Variants in CNIH4 observed in about 807,000 individuals in gnomAD.
CNIH4 encodes the protein protein cornichon homolog 4.
A neutral mutation model predicts 21.5 loss-of-function variants in CNIH4; 9 were observed. That is an observed-to-expected ratio of 0.42 (90% CI 0.25 to 0.73). The LOEUF is 0.73. Among genes scored for constraint, CNIH4 ranks in the 30% least tolerant of loss-of-function variants. The pLI, the probability that CNIH4 is intolerant of heterozygous loss-of-function variation, is 0.27. For missense variants in CNIH4, 159 were observed against 170.0 expected (o/e 0.94, Z 0.36); for synonymous variants, 67 against 59.1 (o/e 1.13, Z -0.61).
rs1672790940 is a variant in CNIH4, at chr1:224,376,713, CGTT to C, written c.*894_*896del. 1 of 985,284 alleles carries C rather than the reference CGTT, an allele frequency of 1.0e-6. No individual in the cohort carries two copies. Among genetic ancestry groups the C allele is most frequent in the Non-Finnish European group, 1.2e-6 (1 of 829,942 alleles). 61.0% of individuals were successfully genotyped at this position (985,284 alleles called of 1,614,324 possible). A position where few individuals can be genotyped will look rare whatever the true frequency, so the allele number is the denominator to read the frequency against. ...CACTTCTATCCCTCTGCACTGACCA[CGTT>C]GTGAACTGGGAGACCAAATGCAAGC... On this transcript the variant is annotated 3_prime_UTR_variant, in exon 5 of 5. Coordinates refer to ENST00000465271, the MANE Select transcript of CNIH4 (RefSeq NM_014184.4).
intron 4 of CNIH4, among the ~76,000 whole-genome samples, chr1:224,373,304 G>A (rs1347699232): frequency 6.6e-6 from 1 of 152,130 alleles, no homozygotes; most frequent in East Asian, 1.9e-4. Context: ...AAACAAGCTG[G>A]AATTGGCTTA....
chr1:224,364,828 G>C (rs997079721), intron 2 of CNIH4, among the ~76,000 whole-genome samples: 14 of 151,974 alleles, frequency 9.2e-5, no homozygotes, highest in Admixed American at 9.2e-4. Context: ...AGCTACTCGG[G>C]AGGTTGAGGC....
At chr1:224,363,241 G>C (rs977264502) in intron 2 of CNIH4, among the ~76,000 whole-genome samples, 6 of 151,768 alleles carry the variant, frequency 4.0e-5, no homozygotes, top group African/African-American at 1.4e-4. Context: ...ATGAAGTCTC[G>C]CCACGTTGGC....
intron 4 of CNIH4, 127 bp downstream of exon 4, chr1:224,371,550 T>G: frequency 1.1e-6 from 1 of 906,016 alleles, no homozygotes; most frequent in Non-Finnish European, 1.7e-6. Flanking sequence ...TCCTTGTGGC[T>G]GTGTAGATTA....
At chr1:224,357,194 T>C in intron 1 of CNIH4, 1 of 574,516 alleles carries the variant, frequency 1.7e-6, no homozygotes, top group Non-Finnish European at 3.0e-6. Flanking sequence ...CGGGCCCTGC[T>C]GCCCTGCACG....
Position 224,379,307 on chromosome 1 carries a change from T to G in CNIH4, c.*3485T>G. 1 of 580,314 alleles carries G rather than the reference T, an allele frequency of 1.7e-6. No homozygotes were observed. The highest frequency in any genetic ancestry group is 3.1e-6 in the Non-Finnish European group (1 of 323,714). 35.9% of individuals were successfully genotyped at this position (580,314 alleles called of 1,614,324 possible). Reference sequence around the variant, plus strand: ...ACATTCTATCTGGTATTACAGTTATTTGTATGCAATTAATCACTCTTAGAT... The same window carrying G: ...ACATTCTATCTGGTATTACAGTTATGTGTATGCAATTAATCACTCTTAGAT... On this transcript the variant is annotated 3_prime_UTR_variant, in exon 5 of 5. Coordinates refer to ENST00000465271, the MANE Select transcript of CNIH4 (RefSeq NM_014184.4).
In CNIH4 at chr1:224,371,324, C is replaced by G; in HGVS notation, c.293C>G (p.Pro98Arg). 6.2e-7 allele frequency: 1 copy of G among 1,613,806 alleles called. No individual in the cohort carries two copies. Among genetic ancestry groups the G allele is most frequent in the Non-Finnish European group, 8.5e-7 (1 of 1,179,884 alleles). The change falls in exon 4 of 5, where the codon CCA (proline) becomes CGA (arginine). Residue 98 changes from proline (P) to arginine (R), a missense_variant. By Grantham distance (103) the Pro-to-Arg change is moderately radical. Transcript: ENST00000465271. ...AGTGGTAACATGGGAGTGTTTGATCCAACAGAAATACACAATCGAGGGCAG... is the reference window on the plus strand; with the variant it reads ...AGTGGTAACATGGGAGTGTTTGATCGAACAGAAATACACAATCGAGGGCAG... ...VPSGNMGVFD[P>R]TEIHNRGQLK...
intron 1 of CNIH4, among the ~76,000 whole-genome samples, chr1:224,358,235 A>C (rs1452892498): frequency 6.6e-6 from 1 of 152,204 alleles, no homozygotes; most frequent in Non-Finnish European, 1.5e-5. Flanking sequence ...GATATGCACA[A>C]TGAGAATGGT....
chr1:224,359,857 G>A (rs1471876430), intron 1 of CNIH4, among the ~76,000 whole-genome samples: 2 of 152,016 alleles, frequency 1.3e-5, no homozygotes, highest in African/African-American at 2.4e-5. Context: ...GCTCATGCCC[G>A]GCTAATGAAA....
Position 224,376,889 on chromosome 1 carries a change from T to C in CNIH4, c.*1067T>C. 2 of 985,452 alleles carry C rather than the reference T, an allele frequency of 2.0e-6. No homozygotes were observed. Among genetic ancestry groups the C allele is most frequent in the Non-Finnish European group, 2.4e-6 (2 of 829,942 alleles). 61.0% of individuals were successfully genotyped at this position (985,452 alleles called of 1,614,324 possible). On this transcript the variant is annotated 3_prime_UTR_variant, in exon 5 of 5. Coordinates refer to ENST00000465271, the MANE Select transcript of CNIH4 (RefSeq NM_014184.4). ...AAACCTGGCAATTTATCCTCAGTCC[T>C]AGTTTGTGGTTTAATGTTGCTATCT...
At chr1:224,362,559 A>G (rs1434906500) in intron 2 of CNIH4, among the ~76,000 whole-genome samples, 1 of 131,714 alleles carries the variant, frequency 7.6e-6, no homozygotes, top group Non-Finnish European at 1.6e-5. Context: ...GCGTGATCTC[A>G]GCTCACTGCA....
intron 4 of CNIH4, among the ~76,000 whole-genome samples, chr1:224,374,235 C>G (rs958443295): frequency 6.6e-6 from 1 of 152,172 alleles, no homozygotes; most frequent in Admixed American, 6.5e-5. Context: ...CACACCTTGC[C>G]TAATACCTTG....
chr1:224,376,287 A>G lies in CNIH4; in HGVS notation c.*465A>G. ...TTGTGTTGTGACAACTTCATTTAATATGGTTTAAAGATTTATGAGACTGTC... is the reference window on the plus strand; with the variant it reads ...TTGTGTTGTGACAACTTCATTTAATGTGGTTTAAAGATTTATGAGACTGTC... On this transcript the variant is annotated 3_prime_UTR_variant, in exon 5 of 5. Transcript: ENST00000465271. 2 of 986,020 alleles carry G rather than the reference A, an allele frequency of 2.0e-6. No homozygotes were observed. Among genetic ancestry groups the G allele is most frequent in the Non-Finnish European group, 2.4e-6 (2 of 830,338 alleles). The allele number at this position is 986,020 out of a possible 1,614,324, so 61.1% of individuals were successfully genotyped here.
intron 2 of CNIH4, 56 bp downstream of exon 2, chr1:224,360,619 T>G: frequency 1.1e-6 from 1 of 875,684 alleles, no homozygotes. Context: ...TTTCCATACT[T>G]AAGATTATTA....
At chr1:224,363,857 A>G (rs1025801297) in intron 2 of CNIH4, among the ~76,000 whole-genome samples, 3 of 152,152 alleles carry the variant, frequency 2.0e-5, no homozygotes, top group Non-Finnish European at 2.9e-5. Context: ...GGTAATTGTT[A>G]TCTACCTGGA....
chr1:224,369,856 A>G (rs1474472945), intron 3 of CNIH4, among the ~76,000 whole-genome samples: 1 of 151,844 alleles, frequency 6.6e-6, no homozygotes, highest in African/African-American at 2.4e-5. Flanking sequence ...TTGTATTTTT[A>G]GTAGCAATGG....
intron 1 of CNIH4, among the ~76,000 whole-genome samples, chr1:224,357,880 C>T (rs983039421): frequency 3.3e-5 from 5 of 152,298 alleles, no homozygotes; most frequent in African/African-American, 1.2e-4. Context: ...AGCATCTAGG[C>T]TTAGTTGTTG....
upstream of CNIH4, chr1:224,356,809 C>A (rs1180342980): frequency 6.1e-6 from 5 of 824,844 alleles, no homozygotes; most frequent in Non-Finnish European, 1.0e-5. Flanking sequence ...TCCCGGCATG[C>A]CACACCAGGA....
At chr1:224,357,505 C>T (rs570469009) in intron 1 of CNIH4, 82 of 153,338 alleles carry the variant, frequency 5.3e-4, no homozygotes, top group Non-Finnish European at 9.0e-4. Context: ...CCCCGGCACC[C>T]GCCCCTTTGT....
Sources: allele counts gnomAD v4.1 joint callset (sites outside exome capture counted in the v4.1 genomes callset), GRCh38; gene constraint gnomAD v4.1.1; transcripts MANE v1.5; gene names NCBI Gene and HGNC (gene_info 2026-07-23, HGNC 2026-07-21).